SNX25: variants seen among roughly 807,000 people sequenced by gnomAD.
The protein encoded by SNX25 is sorting nexin 25, also known as sorting nexin-25.
A neutral mutation model predicts 113.7 loss-of-function variants in SNX25; 62 were observed. That is an observed-to-expected ratio of 0.55 (90% CI 0.44 to 0.67). The LOEUF (loss-of-function observed/expected upper bound fraction) is 0.67, where lower values mean the gene tolerates loss of function less well. Ranked by LOEUF, SNX25 falls within the 30% of genes least tolerant of loss-of-function variation. The pLI is 0.00. For missense variants in SNX25, 1,014 were observed against 1,161.0 expected, an observed-to-expected ratio of 0.87 and a Z score of 1.84; for synonymous variants, 421 against 436.2, an observed-to-expected ratio of 0.97 and a Z score of 0.43.
intron 9 of SNX25, among the ~76,000 whole-genome samples, chr4:185,325,493 A>G (rs1174037802): frequency 6.9e-6 from 1 of 144,780 alleles, no homozygotes; most frequent in African/African-American, 2.5e-5. Flanking sequence ...AGATCGTGCC[A>G]CTGCACTCCA....
chr4:185,265,279 A>C (rs1415138702), intron 4 of SNX25, among the ~76,000 whole-genome samples: 1 of 152,262 alleles, frequency 6.6e-6, no homozygotes, highest in African/African-American at 2.4e-5. Flanking sequence ...AATATCATAG[A>C]GTGTACTTAC....
chr4:185,344,590 A>G (rs917591760), intron 12 of SNX25, among the ~76,000 whole-genome samples: 2 of 152,204 alleles, frequency 1.3e-5, no homozygotes, highest in South Asian at 2.1e-4. Flanking sequence ...TTTCAGAATG[A>G]AAGGAAACAC....
chr4:185,376,401 C>T, the SNX25 span, among the ~76,000 whole-genome samples: 1 of 151,266 alleles, frequency 6.6e-6, no homozygotes, highest in Non-Finnish European at 1.5e-5. Flanking sequence ...CTCAGCCTCC[C>T]AAGTAGCTGG....
chr4:185,301,906 T>A (rs1455866316), intron 6 of SNX25, among the ~76,000 whole-genome samples: 1 of 148,076 alleles, frequency 6.8e-6, no homozygotes, highest in Non-Finnish European at 1.5e-5. Flanking sequence ...ACGTTTTTTC[T>A]TCTTTTTTTT....
rs567591593 is a variant in SNX25, at chr4:185,315,088, C to T, written c.1344+4272C>T. Among the ~76,000 whole-genome samples the T allele has an allele frequency of 1.2e-4, 18 of 148,422 alleles. No individual in the cohort carries two copies. In the South Asian group the frequency reaches 2.6e-3, roughly 22 times the overall value. On this transcript the variant is annotated intron_variant, in intron 7 of 18. Coordinates refer to ENST00000652585, the MANE Select transcript of SNX25 (RefSeq NM_001378034.2). ...CTAAAAATACAAAAAATTAGCCGGG[C>T]GCGGTGGTGGGCGCCTGTAGTCCCA... is the stretch of plus-strand genomic sequence containing the variant.
At chr4:185,246,489 G>T (rs1744884943) in intron 1 of SNX25, among the ~76,000 whole-genome samples, 1 of 152,044 alleles carries the variant, frequency 6.6e-6, no homozygotes, top group Admixed American at 6.6e-5. Flanking sequence ...TAAAAAAGGG[G>T]ATTGCATTTT....
At chr4:185,216,998 G>A (rs1017865596) in intron 1 of SNX25, among the ~76,000 whole-genome samples, 4 of 152,218 alleles carry the variant, frequency 2.6e-5, no homozygotes, top group Non-Finnish European at 5.9e-5. Context: ...TGTTGGCCAG[G>A]TTGTGGAAAT....
At chr4:185,236,429 C>G (rs866365900) in intron 1 of SNX25, among the ~76,000 whole-genome samples, 2 of 152,032 alleles carry the variant, frequency 1.3e-5, no homozygotes, top group African/African-American at 4.8e-5. Flanking sequence ...TCTTTTGAAT[C>G]AAGTCAGAGT....
At chr4:185,310,940 G>A in intron 7 of SNX25, 124 bp downstream of exon 7, 1 of 925,778 alleles carries the variant, frequency 1.1e-6, no homozygotes, top group Non-Finnish European at 1.6e-6. Flanking sequence ...ACTACACACT[G>A]ACATTTGCTC....
intron 9 of SNX25, among the ~76,000 whole-genome samples, chr4:185,325,109 C>CT (rs1351572851): frequency 6.6e-6 from 1 of 152,148 alleles, no homozygotes; most frequent in Non-Finnish European, 1.5e-5. Flanking sequence ...TTAGCCCTTT[C>CT]TTTAAGTTTT....
chr4:185,322,010 A>G (rs1408833634), intron 8 of SNX25, among the ~76,000 whole-genome samples: 2 of 152,246 alleles, frequency 1.3e-5, no homozygotes, highest in African/African-American at 4.8e-5. Context: ...AGGAGATCTT[A>G]GAACCAATCT....
upstream of SNX25, among the ~76,000 whole-genome samples, chr4:185,208,752 A>T (rs1055011135): frequency 2.4e-4 from 36 of 150,450 alleles, no homozygotes; most frequent in African/African-American, 5.6e-4. Context: ...AAAGAAAGAA[A>T]GAATGAAATG....
At chr4:185,226,176 C>T (rs1472806316) in intron 1 of SNX25, among the ~76,000 whole-genome samples, 3 of 152,296 alleles carry the variant, frequency 2.0e-5, no homozygotes, top group Admixed American at 6.5e-5. Context: ...TAGCGTGAAA[C>T]CCATCAGGCA....
At chr4:185,261,979 C>T (rs932921428) in intron 3 of SNX25, among the ~76,000 whole-genome samples, 2 of 152,094 alleles carry the variant, frequency 1.3e-5, no homozygotes, top group African/African-American at 4.8e-5. Context: ...ACAATGAGAC[C>T]GGCAGACAGT....
upstream of SNX25, chr4:185,209,538 C>T: frequency 5.5e-6 from 1 of 180,900 alleles, no homozygotes; most frequent in Non-Finnish European, 1.1e-5. This position sits in a 1 kb window ranked among gnomAD's most constrained non-coding sequence, Gnocchi z 5.2. Flanking sequence ...GGCTCCGGGC[C>T]CCGCCCGACA....
chr4:185,323,475 A>C (rs1017119750), intron 8 of SNX25, 53 bp from the exon 9 acceptor site: 227 of 1,504,940 alleles, frequency 1.5e-4, no homozygotes, highest in Non-Finnish European at 1.9e-4. Context: ...GAGAAAAATA[A>C]TTTCTCTCAG....
At chr4:185,339,257 A>G in intron 10 of SNX25, 122 bp from the exon 11 acceptor site, 1 of 823,582 alleles carries the variant, frequency 1.2e-6, no homozygotes, top group South Asian at 2.8e-5. Context: ...TTTTTGGATT[A>G]TTCACTGTTA....
In SNX25 at chr4:185,362,028, C is replaced by T. The variant is rs146295595; in HGVS notation, c.2756C>T (p.Pro919Leu). ...AFWPNGKLAP[P>L]TTIRSKEQSQ... The stretch of plus-strand genomic sequence containing the variant: ...TGGCCAAATGGGAAGTTGGCACCAC[C>T]GACCACAATCAGAAGCAAAGAGCAA... Residue 919 changes from proline to leucine, a missense_variant, in exon 17 of 19, where the codon CCG becomes CTG. By Grantham distance (98) the Pro-to-Leu change is moderately conservative. Coordinates refer to ENST00000652585, the MANE Select transcript of SNX25 (RefSeq NM_001378034.2). The T allele has an allele frequency of 2.9e-5, 46 of 1,613,880 alleles. No homozygotes were observed. The highest frequency in any genetic ancestry group is 4.4e-5 in the South Asian group (4 of 91,060).
At chr4:185,317,524 A>G (rs1034376103) in intron 7 of SNX25, among the ~76,000 whole-genome samples, 7 of 152,222 alleles carry the variant, frequency 4.6e-5, no homozygotes, top group Admixed American at 3.3e-4. Flanking sequence ...ATGCACTTGT[A>G]TGTTTATTAC....
Sources: allele counts gnomAD v4.1 joint callset (sites outside exome capture counted in the v4.1 genomes callset), GRCh38; gene constraint gnomAD v4.1.1; non-coding constraint Gnocchi (gnomAD v3.1); transcripts MANE v1.5; gene names NCBI Gene and HGNC (gene_info 2026-07-23, HGNC 2026-07-21).